GRAMD1C: variants seen among roughly 807,000 people sequenced by gnomAD.
GRAMD1C encodes GRAM domain containing 1C, also known as protein Aster-C.
GRAMD1C carries 89 observed loss-of-function variants against 97.8 expected under a neutral mutation model. That is an observed-to-expected ratio of 0.91 (90% CI 0.77 to 1.09). The LOEUF (loss-of-function observed/expected upper bound fraction) is 1.09, where lower values mean the gene tolerates loss of function less well. Ranked by LOEUF, GRAMD1C falls within the 50% of genes least tolerant of loss-of-function variation. The pLI is 0.00. For missense variants in GRAMD1C, 740 were observed against 766.4 expected (o/e 0.97, Z 0.41); for synonymous variants, 256 against 267.0 (o/e 0.96, Z 0.40).
intron 11 of GRAMD1C, among the ~76,000 whole-genome samples, chr3:113,931,533 A>G (rs1937421203): frequency 2.0e-5 from 3 of 151,794 alleles, no homozygotes; most frequent in Non-Finnish European, 2.9e-5. Context: ...TAATTTTTGT[A>G]TTTTTAGTAG....
chr3:113,887,085 GTTTTTTTTTTGT>G (rs1390340944), intron 6 of GRAMD1C, among the ~76,000 whole-genome samples: 3 of 71,444 alleles, frequency 4.2e-5, no homozygotes, highest in East Asian at 5.8e-4. Flanking sequence ...TGGCCTTTTT[GTTTTTTTTTTGT>G]TTTTTTTTTT....
At chr3:113,843,938 G>C (rs2108070886) in intron 1 of GRAMD1C, among the ~76,000 whole-genome samples, 1 of 152,226 alleles carries the variant, frequency 6.6e-6, no homozygotes, top group South Asian at 2.1e-4. Flanking sequence ...TTCCTACTGG[G>C]CATTGCAAAT....
intron 10 of GRAMD1C, among the ~76,000 whole-genome samples, chr3:113,921,211 T>G (rs1289520342): frequency 6.6e-6 from 1 of 152,210 alleles, no homozygotes; most frequent in Non-Finnish European, 1.5e-5. Flanking sequence ...GGCCTCCAGC[T>G]CCATACATGT....
intron 17 of GRAMD1C, among the ~76,000 whole-genome samples, chr3:113,943,191 G>A (rs1029945842): frequency 8.5e-5 from 13 of 152,136 alleles, no homozygotes; most frequent in African/African-American, 2.9e-4. Context: ...GGTCCCCAGT[G>A]ACATCTGGCT....
At chr3:113,847,243 C>T (rs1349977689) in intron 2 of GRAMD1C, among the ~76,000 whole-genome samples, 3 of 152,216 alleles carry the variant, frequency 2.0e-5, no homozygotes, top group Non-Finnish European at 4.4e-5. Flanking sequence ...TATTCTCTTT[C>T]ATCATTCAAG....
chr3:113,887,516 T>C (rs1386272365), intron 6 of GRAMD1C, among the ~76,000 whole-genome samples: 1 of 151,630 alleles, frequency 6.6e-6, no homozygotes, highest in East Asian at 2.0e-4. Flanking sequence ...CTGGCTAACA[T>C]GGTGAAACCC....
chr3:113,933,352 A>G (rs942356388), intron 11 of GRAMD1C, among the ~76,000 whole-genome samples, 159 bp from the exon 12 acceptor site: 7 of 152,196 alleles, frequency 4.6e-5, no homozygotes, highest in Admixed American at 1.3e-4. Flanking sequence ...CAATTTATGG[A>G]CAACAGAGTC....
intron 1 of GRAMD1C, among the ~76,000 whole-genome samples, chr3:113,840,587 A>G (rs1432585800): frequency 6.6e-6 from 1 of 152,126 alleles, no homozygotes; most frequent in Non-Finnish European, 1.5e-5. Flanking sequence ...CCAAAATAAA[A>G]AAAAAAAAGA....
At chr3:113,859,627 C>T (rs1934286931) in intron 2 of GRAMD1C, among the ~76,000 whole-genome samples, 1 of 152,044 alleles carries the variant, frequency 6.6e-6, no homozygotes, top group Admixed American at 6.6e-5. Flanking sequence ...TGTACTGTTA[C>T]TGAAACAGAC....
At chr3:113,857,172 C>CA (rs202127319) in intron 2 of GRAMD1C, among the ~76,000 whole-genome samples, 5,904 of 124,012 alleles carry the variant, frequency 0.048, 149 homozygotes, top group African/African-American at 0.073. Context: ...AAAAAACAAA[C>CA]AAACAAAAAA....
rs548719936 is a variant in GRAMD1C at position 113,924,213 on chromosome 3, C to T, written c.1091-6501C>T. 8.6e-5 allele frequency among the ~76,000 whole-genome samples: 13 copies of T among 150,542 alleles called. No homozygotes were observed. In the East Asian group the frequency reaches 2.6e-3, roughly 30 times the overall value. On this transcript the variant is annotated intron_variant, in intron 10 of 17. Transcript: ENST00000358160. ...TGGTCTATTAATCTTATTTATTCTT[C>T]AAAGAGCCAACTTATGATTTCATTG...
intron 10 of GRAMD1C, among the ~76,000 whole-genome samples, chr3:113,921,263 A>G (rs193277039): frequency 4.1e-4 from 63 of 152,332 alleles, no homozygotes; most frequent in African/African-American, 1.5e-3. Flanking sequence ...ATGACTGCAT[A>G]CTATCCCATG....
intron 6 of GRAMD1C, among the ~76,000 whole-genome samples, chr3:113,891,995 G>A (rs1935745072): frequency 6.6e-6 from 1 of 151,726 alleles, no homozygotes; most frequent in Admixed American, 6.6e-5. Flanking sequence ...CTTTAAAAAA[G>A]CAAATTAATC....
At chr3:113,890,524 C>G in intron 6 of GRAMD1C, 1 of 499,312 alleles carries the variant, frequency 2.0e-6, no homozygotes, top group Non-Finnish European at 3.5e-6. Flanking sequence ...GCAGGCCGGT[C>G]ACTTTCAGAT....
intron 9 of GRAMD1C, among the ~76,000 whole-genome samples, chr3:113,911,171 G>GACACACACACACACAC (rs760223728): frequency 0.032 from 166 of 5,222 alleles, 1 homozygote; most frequent in African/African-American, 0.058. Context: ...AACAGAGAGA[G>GACACACACACACACAC]AGACACACAC....
At chr3:113,861,481 C>G (rs1178421117) in intron 2 of GRAMD1C, among the ~76,000 whole-genome samples, 2 of 151,878 alleles carry the variant, frequency 1.3e-5, no homozygotes. Context: ...TAGCCACTGC[C>G]CTCCATCCTG....
intron 16 of GRAMD1C, 62 bp downstream of exon 16, chr3:113,940,058 A>G (rs1401457939): frequency 9.9e-7 from 1 of 1,014,160 alleles, no homozygotes; most frequent in Non-Finnish European, 1.6e-6. Context: ...TCAGTTGCAG[A>G]AAACTTAATT....
At chr3:113,877,864 G>A (rs752269219) in intron 5 of GRAMD1C, among the ~76,000 whole-genome samples, 6 of 151,498 alleles carry the variant, frequency 4.0e-5, no homozygotes, top group Admixed American at 6.6e-5. Context: ...TGCAACCTCC[G>A]CCTCCTGGGT....
At chr3:113,862,297 T>TAAA (rs1316132041) in intron 2 of GRAMD1C, among the ~76,000 whole-genome samples, 1 of 152,162 alleles carries the variant, frequency 6.6e-6, no homozygotes, top group African/African-American at 2.4e-5. Flanking sequence ...GCTGTGACTG[T>TAAA]AAAAGAGAGC....
Sources: gnomAD v4.1 joint callset for allele counts (sites outside exome capture counted in the v4.1 genomes callset) on GRCh38, gnomAD v4.1.1 for gene constraint, MANE v1.5 for transcripts, NCBI Gene and HGNC (gene_info 2026-07-23, HGNC 2026-07-21) for gene names.